Variants in RSU1 observed in about 807,000 individuals in gnomAD.
The protein encoded by RSU1 is Ras suppressor protein 1.
A neutral mutation model predicts 31.1 loss-of-function variants in RSU1; 26 were observed. The ratio of observed to expected loss-of-function variants is 0.84; its 90% CI spans 0.61 to 1.16. RSU1 has a LOEUF of 1.16. Among genes scored for constraint, RSU1 ranks in the 50% most tolerant of loss-of-function variants. The pLI, the probability that RSU1 is intolerant of heterozygous loss-of-function variation, is 0.00. For missense variants in RSU1, 320 were observed against 339.1 expected (o/e 0.94, Z 0.44); for synonymous variants, 164 against 136.3 (o/e 1.20, Z -1.41).
chr10:16,646,050 G>GTA lies in RSU1; in HGVS notation c.731+48971_731+48972dup, dbSNP rs1180422747. Among the ~76,000 whole-genome samples the GTA allele has an allele frequency of 1.2e-4, 4 of 32,976 alleles. 1 individual carries two copies. Among genetic ancestry groups the GTA allele is most frequent in the East Asian group, 1.1e-3 (1 of 940 alleles). 21.6% of individuals were successfully genotyped at this position (32,976 alleles called of 152,430 possible). A position where few individuals can be genotyped will look rare whatever the true frequency, so the allele number is the denominator to read the frequency against. Reference sequence around the variant, plus strand: ...TATATATGTGTATATACATATATGTGTATATATATATACACACACACACAC... The same window carrying GTA: ...TATATATGTGTATATACATATATGTGTATATATATATATACACACACACACAC... On this transcript the variant is annotated intron_variant, in intron 8 of 8. Transcript: ENST00000345264.
intron 7 of RSU1, among the ~76,000 whole-genome samples, chr10:16,717,970 T>C (rs1312221019): frequency 6.6e-6 from 1 of 151,904 alleles, no homozygotes; most frequent in Non-Finnish European, 1.5e-5. Context: ...GTTAAAAATA[T>C]GAAATACTGT....
intron 8 of RSU1, among the ~76,000 whole-genome samples, chr10:16,654,738 C>T (rs1279569695): frequency 1.3e-5 from 2 of 150,870 alleles, no homozygotes; most frequent in African/African-American, 2.4e-5. Context: ...ACCTTTAACA[C>T]AGCCCAAGTG....
intron 2 of RSU1, among the ~76,000 whole-genome samples, chr10:16,806,953 C>A (rs1425655697): frequency 6.6e-6 from 1 of 152,152 alleles, no homozygotes; most frequent in East Asian, 1.9e-4. Context: ...GGGGTTTCAC[C>A]ATGTTGGCCA....
chr10:16,743,911 G>A (rs563226802), intron 7 of RSU1, among the ~76,000 whole-genome samples: 171 of 152,098 alleles, frequency 1.1e-3, no homozygotes, highest in Non-Finnish European at 2.0e-3. Context: ...TGGAAGGACG[G>A]CCTCAGCTCA....
At chr10:16,778,065 G>C (rs1297473424) in intron 3 of RSU1, among the ~76,000 whole-genome samples, 1 of 137,366 alleles carries the variant, frequency 7.3e-6, no homozygotes, top group Non-Finnish European at 1.5e-5. Context: ...CTGTCACCCA[G>C]GCTGGAGTGC....
intron 8 of RSU1, among the ~76,000 whole-genome samples, chr10:16,647,169 T>C (rs981450206): frequency 3.3e-5 from 5 of 152,090 alleles, no homozygotes; most frequent in Admixed American, 6.5e-5. Flanking sequence ...AGATGGAGTT[T>C]CACCATGTTG....
intron 4 of RSU1, among the ~76,000 whole-genome samples, chr10:16,756,842 A>G (rs1192275471): frequency 1.8e-5 from 2 of 112,868 alleles, no homozygotes; most frequent in East Asian, 5.7e-4. Context: ...TGTGTGTGGT[A>G]TTGTGTGTGA....
At chr10:16,630,107 T>C (rs74980352) in intron 8 of RSU1, among the ~76,000 whole-genome samples, 107 of 152,266 alleles carry the variant, frequency 7.0e-4, no homozygotes, top group African/African-American at 2.4e-3. Context: ...CTTCTCACCA[T>C]GTTGCTCAGG....
intron 8 of RSU1, among the ~76,000 whole-genome samples, chr10:16,624,080 A>C (rs1219161023): frequency 1.3e-5 from 2 of 152,036 alleles, no homozygotes; most frequent in African/African-American, 4.8e-5. Context: ...GTATTGTTCT[A>C]GGTACAATTT....
rs550292331 is a variant in RSU1 at position 16,631,777 on chromosome 10, G to T, written c.732-38281C>A. Among the ~76,000 whole-genome samples the T allele has an allele frequency of 2.0e-5, 3 of 152,134 alleles. No individual in the cohort carries two copies. The South Asian group carries it at 6.2e-4, about 32-fold the overall frequency. The stretch of plus-strand genomic sequence containing the variant: ...ACTCCTTCCTTGCCCCAACTTCTTT[G>T]TCCCTAAGGAGTGCACACCTCTTGT... On this transcript the variant is annotated intron_variant, in intron 8 of 8. Transcript: ENST00000345264.
chr10:16,741,695 C>A (rs1041910250), intron 7 of RSU1, among the ~76,000 whole-genome samples: 2 of 152,048 alleles, frequency 1.3e-5, no homozygotes, highest in Non-Finnish European at 2.9e-5. Flanking sequence ...CTCTAATTGA[C>A]AAAGGCATAC....
chr10:16,607,011 C>A (rs1833817031), intron 8 of RSU1, among the ~76,000 whole-genome samples: 1 of 152,108 alleles, frequency 6.6e-6, no homozygotes, highest in African/African-American at 2.4e-5. Context: ...GTGTTCCCAC[C>A]AAATCTCATG....
chr10:16,767,796 GT>G (rs1355562461), intron 3 of RSU1, among the ~76,000 whole-genome samples: 1 of 152,130 alleles, frequency 6.6e-6, no homozygotes, highest in Non-Finnish European at 1.5e-5. Context: ...AAGAAAGTAA[GT>G]TACAAAAGAC....
At chr10:16,736,157 C>A (rs1836621378) in intron 7 of RSU1, among the ~76,000 whole-genome samples, 1 of 152,122 alleles carries the variant, frequency 6.6e-6, no homozygotes, top group South Asian at 2.1e-4. Context: ...CAGAAAGCTG[C>A]ACAGGAATTC....
chr10:16,680,849 A>C (rs998102093), intron 8 of RSU1, among the ~76,000 whole-genome samples: 1 of 152,178 alleles, frequency 6.6e-6, no homozygotes, highest in Non-Finnish European at 1.5e-5. Flanking sequence ...GAAACAACAA[A>C]ACAAAACAAA....
intron 7 of RSU1, among the ~76,000 whole-genome samples, chr10:16,735,117 G>A (rs1289759988): frequency 2.0e-5 from 3 of 152,160 alleles, no homozygotes; most frequent in African/African-American, 7.2e-5. Context: ...CCCAGTCTTT[G>A]GCACTTTGTT....
At chr10:16,705,772 G>A (rs1393203468) in intron 7 of RSU1, among the ~76,000 whole-genome samples, 1 of 152,152 alleles carries the variant, frequency 6.6e-6, no homozygotes, top group East Asian at 1.9e-4. Context: ...TTACAGGAGT[G>A]AGCCACTGCA....
chr10:16,729,685 G>C (rs563627522), intron 7 of RSU1, among the ~76,000 whole-genome samples: 3 of 152,150 alleles, frequency 2.0e-5, no homozygotes, highest in Non-Finnish European at 4.4e-5. Flanking sequence ...GATGGGTTAG[G>C]GGTTTATTTT....
At chr10:16,737,682 G>A (rs1836655703) in intron 7 of RSU1, among the ~76,000 whole-genome samples, 1 of 151,964 alleles carries the variant, frequency 6.6e-6, no homozygotes, top group Non-Finnish European at 1.5e-5. Flanking sequence ...ATCAGAAATG[G>A]TAAATAGAGA....
Sources: allele counts gnomAD v4.1 joint callset (sites outside exome capture counted in the v4.1 genomes callset), GRCh38; gene constraint gnomAD v4.1.1; transcripts MANE v1.5; gene names NCBI Gene and HGNC (gene_info 2026-07-23, HGNC 2026-07-21).